PREX1: variants seen among roughly 807,000 people sequenced by gnomAD.
The protein encoded by PREX1 is phosphatidylinositol 3,4,5-trisphosphate-dependent Rac exchanger 1 protein.
In PREX1, 41 loss-of-function variants were observed where a neutral mutation model predicts 198.3. The ratio of observed to expected loss-of-function variants is 0.21; its 90% CI spans 0.16 to 0.27. The LOEUF (loss-of-function observed/expected upper bound fraction) is 0.27, where lower values mean the gene tolerates loss of function less well. Among genes scored for constraint, PREX1 ranks in the 10% least tolerant of loss-of-function variants. PREX1 has a pLI of 1.00. For missense variants in PREX1, 1,620 were observed against 2,200.7 expected (o/e 0.74, Z 5.28); for synonymous variants, 843 against 887.2 (o/e 0.95, Z 0.89).
Position 48,726,273 on chromosome 20 carries a change from A to C in PREX1, c.621+17T>G, listed in dbSNP as rs1473178639. The C allele has an allele frequency of 1.2e-6, 2 of 1,600,532 alleles. No individual in the cohort carries two copies. Among genetic ancestry groups the C allele is most frequent in the Non-Finnish European group, 1.7e-6 (2 of 1,168,878 alleles). On this transcript the variant is annotated intron_variant, in intron 5 of 39. Transcript: ENST00000371941. ...GCCAAAGAGTTTTCTGTCACTTCAA[A>C]TACGGGAAAGTCTCACCTTAAGGAG... is the stretch of plus-strand genomic sequence containing the variant.
chr20:48,859,595 A>G, the PREX1 span, among the ~76,000 whole-genome samples: 2 of 152,356 alleles, frequency 1.3e-5, no homozygotes, highest in South Asian at 2.1e-4. Context: ...ACCTGTATGC[A>G]TTACTGGTAG....
intron 29 of PREX1, among the ~76,000 whole-genome samples, chr20:48,640,862 G>A (rs2089404219): frequency 6.8e-6 from 1 of 148,148 alleles, no homozygotes; most frequent in Non-Finnish European, 1.5e-5. Flanking sequence ...TGGATGGGTA[G>A]GTGGGTAGAT....
chr20:48,781,858 T>A (rs2090291329), intron 1 of PREX1, among the ~76,000 whole-genome samples: 1 of 152,262 alleles, frequency 6.6e-6, no homozygotes, highest in South Asian at 2.1e-4. Flanking sequence ...TAGGCCCTAT[T>A]TCCTGTTGCA....
chr20:48,841,659 G>C, the PREX1 span, among the ~76,000 whole-genome samples: 1 of 152,146 alleles, frequency 6.6e-6, no homozygotes, highest in Non-Finnish European at 1.5e-5. Context: ...ATTTAGAGGT[G>C]GTCTCAATGA....
rs1416541348 is a variant in PREX1, at chr20:48,649,432, C to T, written c.3173G>A (p.Gly1058Asp). 1 of 1,614,052 alleles carries T rather than the reference C, an allele frequency of 6.2e-7. No individual in the cohort carries two copies. Among genetic ancestry groups the T allele is most frequent in the Admixed American group, 1.7e-5 (1 of 60,008 alleles). ...GSFGPASGTL[G>D]QEDRGLSFLL... Reference sequence around the variant, plus strand: ...GAAGCTGAGGCCCCGGTCTTCCTGACCAAGGGTCCCACTGGCTGGCCCGAA... The same window carrying T: ...GAAGCTGAGGCCCCGGTCTTCCTGATCAAGGGTCCCACTGGCTGGCCCGAA... Residue 1058 changes from glycine to aspartate, a missense_variant, in exon 25 of 40, where the codon GGT (glycine) becomes GAT (aspartate). This residue lies in a region of PREX1 where 514 missense variants were observed against 611.6 expected (regional missense o/e 0.84). Coordinates refer to ENST00000371941, the MANE Select transcript of PREX1 (RefSeq NM_020820.4).
chr20:48,828,027 G>A (rs570358109), upstream of PREX1: 1,529 of 156,224 alleles, frequency 9.8e-3, 13 homozygotes, highest in Middle Eastern at 0.066. Flanking sequence ...GCCGGGGGCG[G>A]AGGCAGCGCG....
chr20:48,662,113 C>A (rs2089601411), intron 15 of PREX1, among the ~76,000 whole-genome samples: 1 of 152,202 alleles, frequency 6.6e-6, no homozygotes, highest in East Asian at 1.9e-4. Context: ...TCACCTGGAA[C>A]TCTACCTGTT....
intron 1 of PREX1, among the ~76,000 whole-genome samples, chr20:48,749,402 C>G (rs2090124266): frequency 6.6e-6 from 1 of 152,156 alleles, no homozygotes; most frequent in African/African-American, 2.4e-5. Flanking sequence ...CAGGTGCAGG[C>G]TGATTAAGAC....
At chr20:48,643,766 C>G (rs1233417538) in intron 27 of PREX1, among the ~76,000 whole-genome samples, 1 of 152,146 alleles carries the variant, frequency 6.6e-6, no homozygotes, top group African/African-American at 2.4e-5. Context: ...CTCCCCCTCC[C>G]AAGTTCAAGT....
intron 5 of PREX1, 79 bp from the exon 6 acceptor site, chr20:48,708,500 AG>A: frequency 6.7e-7 from 1 of 1,482,174 alleles, no homozygotes; most frequent in East Asian, 2.3e-5. Flanking sequence ...GCTGAACCCA[AG>A]AAAACAGACA....
intron 37 of PREX1, 25 bp downstream of exon 37, chr20:48,629,424 C>T (rs1208309137): frequency 1.8e-5 from 29 of 1,607,384 alleles, no homozygotes; most frequent in Non-Finnish European, 2.5e-5. Context: ...CTCCCCACAC[C>T]CCGACTCAGC....
At chr20:48,736,706 G>A (rs547426221) in intron 3 of PREX1, among the ~76,000 whole-genome samples, 1 of 152,362 alleles carries the variant, frequency 6.6e-6, no homozygotes, top group Non-Finnish European at 1.5e-5. Context: ...GCTGCAGACT[G>A]TGGTGATGCA....
At chr20:48,718,332 G>A (rs1356624946) in intron 5 of PREX1, among the ~76,000 whole-genome samples, 1 of 152,194 alleles carries the variant, frequency 6.6e-6, no homozygotes, top group African/African-American at 2.4e-5. Flanking sequence ...GATTGATGGT[G>A]ATGGTAATGG....
Position 48,700,788 on chromosome 20 carries a change from G to A in PREX1, c.882C>T (p.Phe294=), listed in dbSNP as rs141066278. ...GNIQERAFFL[F]DNLLVYCKRK... Reference sequence around the variant, plus strand: ...GCTTGCAGTAGACGAGAAGGTTGTCGAAGAGGAAGAAGGCCCTTTCCTGGA... The same window carrying A: ...GCTTGCAGTAGACGAGAAGGTTGTCAAAGAGGAAGAAGGCCCTTTCCTGGA... Residue 294 remains phenylalanine (F), a synonymous_variant, in exon 7 of 40, where the codon TTC becomes TTT. Coordinates refer to ENST00000371941, the MANE Select transcript of PREX1 (RefSeq NM_020820.4). 8.6e-5 allele frequency: 138 copies of A among 1,613,632 alleles called. No individual in the cohort carries two copies. The African/African-American group carries it at 1.2e-3, about 14-fold the overall frequency.
chr20:48,720,185 C>G (rs569683075), intron 5 of PREX1, among the ~76,000 whole-genome samples: 2 of 152,290 alleles, frequency 1.3e-5, no homozygotes, highest in Admixed American at 1.3e-4. Context: ...CTCAGTCCAG[C>G]CTTCCCTGAC....
Position 48,634,767 on chromosome 20 carries a change from T to C in PREX1, c.4176A>G (p.Glu1392=). ...SLLSPATVKE[E]RTMLEDIWVT... ...CCCAGATGTCCTCCAGCATGGTCCG[T>C]TCCTCCTTCTGCAGGAAGAAGACAG... The change falls in exon 33 of 40, where the codon GAA becomes GAG. Residue 1392 remains glutamate, a synonymous_variant. Coordinates refer to ENST00000371941, the MANE Select transcript of PREX1 (RefSeq NM_020820.4). 6.2e-7 allele frequency: 1 copy of C among 1,614,042 alleles called. No individual in the cohort carries two copies. Among genetic ancestry groups the C allele is most frequent in the Non-Finnish European group, 8.5e-7 (1 of 1,179,914 alleles).
chr20:48,794,664 G>A (rs1254510943), intron 1 of PREX1, among the ~76,000 whole-genome samples: 1 of 152,192 alleles, frequency 6.6e-6, no homozygotes, highest in African/African-American at 2.4e-5. Context: ...CACCCAGCCA[G>A]GTTGCCATGG....
chr20:48,651,516 A>C lies in PREX1; in HGVS notation c.2535T>G (p.Thr845=), dbSNP rs968060032. The C allele has an allele frequency of 6.2e-7, 1 of 1,614,098 alleles. No homozygotes were observed. The highest frequency in any genetic ancestry group is 1.3e-5 in the African/African-American group (1 of 74,946). ...LCEDSPMVTL[T]VDNVHLEHGV... is the part of the protein sequence containing the mutation. ...CGTGTTCCAGGTGCACGTTGTCCAC[A>C]GTCAGGGTGACCATGGGGCTGTCCT... The change falls in exon 22 of 40, where the codon ACT becomes ACG. Residue 845 remains threonine (T), a synonymous_variant. Coordinates refer to ENST00000371941, the MANE Select transcript of PREX1 (RefSeq NM_020820.4).
the PREX1 span, among the ~76,000 whole-genome samples, chr20:48,856,246 G>A: frequency 6.6e-6 from 1 of 152,238 alleles, no homozygotes; most frequent in African/African-American, 2.4e-5. Context: ...ACAGCGGCCT[G>A]CTGGCCCACA....
Sources: gnomAD v4.1 joint callset for allele counts (sites outside exome capture counted in the v4.1 genomes callset) on GRCh38, gnomAD v4.1.1 for gene constraint, gnomAD v4.1.1 regional missense constraint, MANE v1.5 for transcripts, NCBI Gene and HGNC (gene_info 2026-07-23, HGNC 2026-07-21) for gene names.